The following PLXNA3 variants were observed in gnomAD, a reference collection of about 807,000 sequenced individuals.
PLXNA3 encodes plexin A3, also known as plexin-A3.
In PLXNA3, 52 loss-of-function variants were observed where a neutral mutation model predicts 118.8. The ratio of observed to expected loss-of-function variants is 0.44; its 90% confidence interval spans 0.35 to 0.55. The LOEUF (loss-of-function observed/expected upper bound fraction) is 0.55, where lower values mean the gene tolerates loss of function less well. Ranked by LOEUF, PLXNA3 falls within the 20% of genes least tolerant of loss-of-function variation. PLXNA3 has a pLI of 0.01. For synonymous variants in PLXNA3, 925 were observed against 762.4 expected, an observed-to-expected ratio of 1.21 and a Z score of -3.51; for missense variants, 1,660 against 1,730.8, an observed-to-expected ratio of 0.96 and a Z score of 0.73.
rs916879259 is a variant in PLXNA3, at chrX:154,476,777, G to A, written c.*4092G>A. The A allele has an allele frequency of 1.8e-5, 2 of 112,256 alleles. No individual in the cohort carries two copies. Among genetic ancestry groups the A allele is most frequent in the African/African-American group, 6.5e-5 (2 of 30,904 alleles). The allele number at this position is 112,256 out of a possible 1,213,427, so 9.3% of individuals were successfully genotyped here. On this transcript the variant is annotated 3_prime_UTR_variant, in exon 33 of 33. Transcript: ENST00000369682. Reference sequence around the variant, plus strand: ...CTGTGGGCCAGTGAGGGACAGCGACGTGTGGGAGCTGGGAAACAAGGTAAG... The same window carrying A: ...CTGTGGGCCAGTGAGGGACAGCGACATGTGGGAGCTGGGAAACAAGGTAAG...
chrX:154,465,461 T>C lies in PLXNA3; in HGVS notation c.2282T>C (p.Leu761Pro), dbSNP rs375752173. 2.1e-5 allele frequency: 26 copies of C among 1,209,666 alleles called. No individual in the cohort carries two copies. Among genetic ancestry groups the C allele is most frequent in the Non-Finnish European group, 2.9e-5 (26 of 893,498 alleles). Reference sequence around the variant, plus strand: ...GGTGATGAGCATGGTGACACCGAGCTGGACTTTTCCGTGGTCTGGGATGGA... The same window carrying C: ...GGTGATGAGCATGGTGACACCGAGCCGGACTTTTCCGTGGTCTGGGATGGA... ...YEGDEHGDTE[L>P]DFSVVWDGDF... Residue 761 changes from leucine (L) to proline (P), a missense_variant, in exon 12 of 33, where the codon CTG (leucine) becomes CCG (proline). By Grantham distance (98) the Leu-to-Pro change is moderately conservative. This residue lies in a region of PLXNA3 where 869 missense variants were observed against 1,078.7 expected (regional missense o/e 0.81). Coordinates refer to ENST00000369682, the MANE Select transcript of PLXNA3 (RefSeq NM_017514.5).
At chrX:154,472,078 C>T (rs781802805) in intron 32 of PLXNA3, among the ~76,000 whole-genome samples, 56 of 111,276 alleles carry the variant, frequency 5.0e-4, no homozygotes, top group African/African-American at 1.8e-3. Context: ...GAGCCCAGGG[C>T]CCCAGGACAC....
rs1183971867 is a variant in PLXNA3 at position 154,458,294 on chromosome X, CG to C, written c.-160del. On this transcript the variant is annotated 5_prime_UTR_variant, in exon 1 of 33. Transcript: ENST00000369682. The stretch of plus-strand genomic sequence containing the variant: ...CCGGGCCAGCCCAGTGTGTGGGCGG[CG>C]GCGGCGGCGGCTGCGCGCTTGGGGC... The C allele has an allele frequency of 9.2e-6, 1 of 108,480 alleles. No individual in the cohort carries two copies. Among genetic ancestry groups the C allele is most frequent in the Non-Finnish European group, 1.9e-5 (1 of 51,638 alleles). The allele number at this position is 108,480 out of a possible 1,213,427, so 8.9% of individuals were successfully genotyped here.
rs2069121281 is a variant in PLXNA3, at chrX:154,468,073, A to G, written c.3821-9A>G. On this transcript the variant is annotated splice_polypyrimidine_tract_variant and intron_variant, in intron 21 of 32. Transcript: ENST00000369682. ...TCCTGCCCACTCATTCCCTCTCTCC[A>G]CCCCCCAGCTTTTGCAGAGCTGCAG... 8.4e-7 allele frequency: 1 copy of G among 1,187,974 alleles called. No homozygotes were observed. The highest frequency in any genetic ancestry group is 1.1e-6 in the Non-Finnish European group (1 of 882,116).
chrX:154,461,222 A>T lies in PLXNA3; in HGVS notation c.718A>T (p.Thr240Ser). 8.2e-7 allele frequency: 1 copy of T among 1,212,268 alleles called. No individual in the cohort carries two copies. Among genetic ancestry groups the T allele is most frequent in the African/African-American group, 1.7e-5 (1 of 58,027 alleles). The change falls in exon 3 of 33, where the codon ACG becomes TCG. Residue 240 changes from threonine (T) to serine (S), a missense_variant. By Grantham distance (58) the Thr-to-Ser change is moderately conservative. Coordinates refer to ENST00000369682, the MANE Select transcript of PLXNA3 (RefSeq NM_017514.5). ...CAGCGCCTCCTTCGTGTACTTCCTG[A>T]CGCTGCAGCTGGACACCCAGCAGAC... is the stretch of plus-strand genomic sequence containing the variant. ...FVSASFVYFL[T>S]LQLDTQQTLL...
chrX:154,471,616 A>G lies in PLXNA3; in HGVS notation c.5498A>G (p.Tyr1833Cys). Residue 1833 changes from tyrosine to cysteine, a missense_variant, in exon 32 of 33, where the codon TAT (tyrosine) becomes TGT (cysteine). Tyr to Cys is a radical substitution (Grantham distance 194). Transcript: ENST00000369682. ...VLSALNELYF[Y>C]VTKYRQEILT... ...AGTGCGCTCAACGAGCTGTATTTCT[A>G]TGTCACCAAGTACCGCCAGGAGGTG... is the stretch of plus-strand genomic sequence containing the variant. The G allele has an allele frequency of 8.3e-7, 1 of 1,209,191 alleles. No individual in the cohort carries two copies.
Position 154,467,563 on chromosome X carries a change from G to C in PLXNA3, c.3460G>C (p.Ala1154Pro). 17 of 1,187,111 alleles carry C rather than the reference G, an allele frequency of 1.4e-5. No individual in the cohort carries two copies. The highest frequency in any genetic ancestry group is 1.9e-5 in the Non-Finnish European group (17 of 883,725). ...VVLKGKNLIP[A>P]AAGSSRLNYT... ...CCCCCAGGGCAAGAACCTGATTCCC[G>C]CTGCAGCCGGCAGCTCCCGCCTCAA... The change falls in exon 20 of 33, where the codon GCT becomes CCT. Residue 1154 changes from alanine to proline, a missense_variant. Coordinates refer to ENST00000369682, the MANE Select transcript of PLXNA3 (RefSeq NM_017514.5).
At chrX:154,460,121 C>T (rs1013943546) in intron 1 of PLXNA3, 36 bp from the exon 2 acceptor site, 83 of 790,421 alleles carry the variant, frequency 1.1e-4, no homozygotes, top group Admixed American at 3.9e-4. Flanking sequence ...CTCTGTGGCT[C>T]GAGGCCTCTG....
Position 154,467,212 on chromosome X carries a change from G to A in PLXNA3, c.3202-20G>A, listed in dbSNP as rs1313545714. 6 of 1,208,465 alleles carry A rather than the reference G, an allele frequency of 5.0e-6. No individual in the cohort carries two copies. In the East Asian group the frequency reaches 1.8e-4, roughly 36 times the overall value. On this transcript the variant is annotated intron_variant, in intron 18 of 32. Coordinates refer to ENST00000369682, the MANE Select transcript of PLXNA3 (RefSeq NM_017514.5). Reference sequence around the variant, plus strand: ...AGCCCATGGCTTCACGTGCCTGGCTGTCCACCTTTGTCCCCACAGACATGC... The same window carrying A: ...AGCCCATGGCTTCACGTGCCTGGCTATCCACCTTTGTCCCCACAGACATGC...
chrX:154,467,801 C>T lies in PLXNA3; in HGVS notation c.3620C>T (p.Thr1207Ile). ...GGTGGCCTGGAGTTCTGGCTGGGCA[C>T]CCTGCACATCTCGGCAGAGCGGGCG... ...LVGGLEFWLG[T>I]LHISAERALT... Residue 1207 changes from threonine (T) to isoleucine (I), a missense_variant, in exon 21 of 33, where the codon ACC becomes ATC. Around this residue, in one of 2 missense-constraint regions of PLXNA3, gnomAD observed 869 missense variants for 1,078.7 expected, o/e 0.81. Coordinates refer to ENST00000369682, the MANE Select transcript of PLXNA3 (RefSeq NM_017514.5). 4.2e-6 allele frequency: 5 copies of T among 1,202,907 alleles called. No homozygotes were observed. Among genetic ancestry groups the T allele is most frequent in the Non-Finnish European group, 5.6e-6 (5 of 894,040 alleles).
chrX:154,466,348 C>G, intron 15 of PLXNA3, 28 bp from the exon 16 acceptor site: 1 of 1,211,416 alleles, frequency 8.3e-7, no homozygotes, highest in South Asian at 1.8e-5. Context: ...CGGCCCGGCT[C>G]CTCCCCTCAG....
chrX:154,459,480 G>A (rs2068899209), intron 1 of PLXNA3, among the ~76,000 whole-genome samples: 1 of 112,672 alleles, frequency 8.9e-6, no homozygotes, highest in South Asian at 3.6e-4. Context: ...CCCTGGGTCT[G>A]GAGGGGGAGC....
Position 154,470,463 on chromosome X carries a change from G to A in PLXNA3, c.5008G>A (p.Asp1670Asn). ...ACAGGGCACACTGCAGAAGTTCGTG[G>A]ATGACCTCTTTGAGACAGTGTTCAG... ...ATKGTLQKFV[D>N]DLFETVFSTA... The change falls in exon 30 of 33, where the codon GAT becomes AAT. Residue 1670 changes from aspartate to asparagine, a missense_variant. By Grantham distance (23) the Asp-to-Asn change is conservative. This residue lies in a region of PLXNA3 where 869 missense variants were observed against 1,078.7 expected (regional missense o/e 0.81). Transcript: ENST00000369682. The A allele has an allele frequency of 1.7e-6, 2 of 1,210,970 alleles. No homozygotes were observed. Among genetic ancestry groups the A allele is most frequent in the Non-Finnish European group, 2.2e-6 (2 of 895,103 alleles).
At chrX:154,463,563 G>GGC in intron 5 of PLXNA3, 27 bp from the exon 6 acceptor site, 1 of 990,583 alleles carries the variant, frequency 1.0e-6, no homozygotes, top group East Asian at 3.2e-5. Flanking sequence ...GCGGGGGTGG[G>GGC]CTGGGTGCTG....
At chrX:154,461,706 C>T in intron 3 of PLXNA3, 68 bp downstream of exon 3, 1 of 1,015,421 alleles carries the variant, frequency 9.8e-7, no homozygotes, top group Non-Finnish European at 1.3e-6. Context: ...AGCGTGGGCT[C>T]ACGGCCAGTC....
In PLXNA3 at chrX:154,471,261, C is replaced by T. The variant is rs781891618; in HGVS notation, c.5313C>T (p.Pro1771=). 8.3e-7 allele frequency: 1 copy of T among 1,211,752 alleles called. No homozygotes were observed. Among genetic ancestry groups the T allele is most frequent in the South Asian group, 1.8e-5 (1 of 56,976 alleles). The part of the protein sequence containing the change: ...TSEHRLGKDS[P]SNKLLYAKDI... ...AGCACCGCCTGGGGAAGGACTCGCC[C>T]TCCAACAAACTGCTCTACGCCAAGG... The change falls in exon 31 of 33, where the codon CCC becomes CCT. Residue 1771 remains proline, a synonymous_variant. Transcript: ENST00000369682.
Position 154,465,502 on chromosome X carries a change from A to G in PLXNA3, c.2323A>G (p.Lys775Glu), listed in dbSNP as rs2069065837. 2 of 1,204,503 alleles carry G rather than the reference A, an allele frequency of 1.7e-6. No individual in the cohort carries two copies. The highest frequency in any genetic ancestry group is 2.2e-5 in the Admixed American group (1 of 45,863). ...CTGGGATGGAGACTTCCCCATAGAC[A>G]AGCCTCCCAGCTTCCGAGGTGAAGG... ...VVWDGDFPID[K>E]PPSFRALLYK... Residue 775 changes from lysine to glutamate, a missense_variant, in exon 12 of 33, where the codon AAG becomes GAG. Around this residue, in one of 2 missense-constraint regions of PLXNA3, gnomAD observed 869 missense variants for 1,078.7 expected, o/e 0.81. Coordinates refer to ENST00000369682, the MANE Select transcript of PLXNA3 (RefSeq NM_017514.5).
intron 2 of PLXNA3, 57 bp from the exon 3 acceptor site, chrX:154,461,042 G>A: frequency 9.8e-7 from 1 of 1,021,475 alleles, no homozygotes; most frequent in Non-Finnish European, 1.3e-6. Context: ...GCTGGCGGTG[G>A]CCCGTGATGT....
intron 9 of PLXNA3, 111 bp from the exon 10 acceptor site, chrX:154,464,643 C>G (rs782065807): frequency 8.6e-6 from 6 of 698,719 alleles, no homozygotes; most frequent in Non-Finnish European, 1.3e-5. Context: ...CCACATCTCT[C>G]TGTCCCCTGA....
Sources: allele counts gnomAD v4.1 joint callset (sites outside exome capture counted in the v4.1 genomes callset), GRCh38; gene constraint gnomAD v4.1.1; regional missense constraint gnomAD v4.1.1; transcripts MANE v1.5; gene names NCBI Gene and HGNC (gene_info 2026-07-23, HGNC 2026-07-21).